The following BRWD3 variants were observed in gnomAD, a reference collection of about 807,000 sequenced individuals.
BRWD3 encodes the protein bromodomain and WD repeat domain containing 3.
Under a neutral mutation model 149.7 loss-of-function variants are expected in BRWD3, and 10 were observed. The observed-to-expected ratio is 0.07, with a 90% CI of 0.04 to 0.11. The LOEUF (loss-of-function observed/expected upper bound fraction) is 0.11. BRWD3 is among the 10% of genes least tolerant of loss of function. BRWD3 has a pLI of 1.00. For missense variants in BRWD3, 940 were observed against 1,373.2 expected (o/e 0.68, Z 4.99); for synonymous variants, 504 against 456.7 (o/e 1.10, Z -1.32).
intron 20 of BRWD3, among the ~76,000 whole-genome samples, chrX:80,712,023 C>A (rs751284717): frequency 8.9e-6 from 1 of 112,177 alleles, no homozygotes; most frequent in East Asian, 2.8e-4. Flanking sequence ...TTGACTCTTT[C>A]ATCAACAGCA....
chrX:80,741,721 T>A (rs977590512), intron 8 of BRWD3, among the ~76,000 whole-genome samples: 4 of 112,246 alleles, frequency 3.6e-5, no homozygotes, highest in Non-Finnish European at 7.5e-5. Context: ...TTGAGAAGTG[T>A]CTCTTCATAT....
Position 80,684,031 on chromosome X carries a change from A to G in BRWD3, c.4212T>C (p.Tyr1404=), listed in dbSNP as rs754406971. 1 of 1,208,583 alleles carries G rather than the reference A, an allele frequency of 8.3e-7. No homozygotes were observed. The highest frequency in any genetic ancestry group is 1.8e-5 in the South Asian group (1 of 56,885). Residue 1404 remains tyrosine (Y), a synonymous_variant, in exon 37 of 41, where the codon TAT becomes TAC. Coordinates refer to ENST00000373275, the MANE Select transcript of BRWD3 (RefSeq NM_153252.5). The part of the protein sequence containing the change: ...VRQIFNNSKA[Y]TSNKKSRIYS... ...ATACCCTTGACTTTTTATTAGAGGT[A>G]TAAGCTTTGGAGTTGTTGAATATTT...
At chrX:80,691,255 CAAG>C in intron 30 of BRWD3, 82 bp from the exon 31 acceptor site, 1 of 1,012,877 alleles carries the variant, frequency 9.9e-7, no homozygotes, top group Non-Finnish European at 1.4e-6. Context: ...CATATATAAA[CAAG>C]AAGGGAGGGT....
intron 22 of BRWD3, among the ~76,000 whole-genome samples, chrX:80,706,014 T>C (rs1438555805): frequency 8.9e-6 from 1 of 112,616 alleles, no homozygotes; most frequent in Non-Finnish European, 1.9e-5. Flanking sequence ...ATCAGCTTGC[T>C]GTAACATTTT....
intron 20 of BRWD3, chrX:80,710,112 T>C (rs2072938939): frequency 1.6e-6 from 1 of 617,301 alleles, no homozygotes; most frequent in African/African-American, 2.2e-5. Context: ...ATTCTCCATA[T>C]TGACAAACAT....
intron 6 of BRWD3, among the ~76,000 whole-genome samples, chrX:80,754,706 TA>T (rs2073715887): frequency 8.9e-6 from 1 of 112,277 alleles, no homozygotes; most frequent in Non-Finnish European, 1.9e-5. Flanking sequence ...TGAGGATTTT[TA>T]CCAAAAAGGA....
chrX:80,756,451 G>A (rs761229026), intron 6 of BRWD3, among the ~76,000 whole-genome samples: 27 of 86,666 alleles, frequency 3.1e-4, no homozygotes, highest in South Asian at 2.6e-3. Context: ...GCAGTGAGCC[G>A]AGATCGCACC....
intron 6 of BRWD3, among the ~76,000 whole-genome samples, chrX:80,777,150 C>T (rs749678821): frequency 9.1e-6 from 1 of 109,549 alleles, no homozygotes; most frequent in East Asian, 2.9e-4. Context: ...AAGACCCCCC[C>T]CCACGAAAAA....
In BRWD3 at chrX:80,809,252, G is replaced by A. The variant is rs1248608178; in HGVS notation, c.84C>T (p.Ser28=). ...ATCTCTTTCTTCCCCTTACCTGAGCGGATTTGTTGCAGGGTCCAGACTGCA... is the reference window on the plus strand; with the variant it reads ...ATCTCTTTCTTCCCCTTACCTGAGCAGATTTGTTGCAGGGTCCAGACTGCA... ...RFLQSGPCNK[S]AQVLVQELEE... is the part of the protein sequence containing the mutation. Residue 28 remains serine (S), a synonymous_variant, in exon 2 of 41, where the codon TCC becomes TCT. Coordinates refer to ENST00000373275, the MANE Select transcript of BRWD3 (RefSeq NM_153252.5). 2 of 1,199,151 alleles carry A rather than the reference G, an allele frequency of 1.7e-6. No homozygotes were observed. Among genetic ancestry groups the A allele is most frequent in the Admixed American group, 2.2e-5 (1 of 44,516 alleles).
intron 9 of BRWD3, among the ~76,000 whole-genome samples, chrX:80,735,437 T>G (rs768506871): frequency 9.0e-5 from 10 of 111,593 alleles, no homozygotes; most frequent in Middle Eastern, 4.7e-3. Flanking sequence ...ACTACTACCA[T>G]TATGAGAAAT....
At chrX:80,787,572 C>CA (rs751098940) in intron 6 of BRWD3, among the ~76,000 whole-genome samples, 2,534 of 48,361 alleles carry the variant, frequency 0.052, 102 homozygotes, top group African/African-American at 0.17. Context: ...CACCCATATG[C>CA]AAAAAAAAAA....
chrX:80,718,546 G>C (rs1257806175), intron 18 of BRWD3, among the ~76,000 whole-genome samples: 2 of 111,736 alleles, frequency 1.8e-5, no homozygotes, highest in African/African-American at 6.5e-5. Flanking sequence ...TAAAGGGCCT[G>C]GATAGATAGG....
chrX:80,793,497 A>G (rs1602444318), intron 5 of BRWD3, 125 bp downstream of exon 5: 2 of 780,901 alleles, frequency 2.6e-6, no homozygotes, highest in East Asian at 6.8e-5. Flanking sequence ...AGAAAACAAA[A>G]ACAACATTGG....
chrX:80,808,070 GC>G (rs1254529382), intron 4 of BRWD3, among the ~76,000 whole-genome samples: 41 of 12,972 alleles, frequency 3.2e-3, no homozygotes, highest in Non-Finnish European at 4.9e-3. Flanking sequence ...CTGCCCCCCC[GC>G]CCCCCCCAAA....
At chrX:80,705,095 G>A (rs1013386163) in intron 22 of BRWD3, among the ~76,000 whole-genome samples, 3 of 110,496 alleles carry the variant, frequency 2.7e-5, no homozygotes, top group South Asian at 7.8e-4. Flanking sequence ...GCAAAACCCC[G>A]TCTCTACTAA....
At chrX:80,733,671 GAAACAAAC>G in intron 11 of BRWD3, among the ~76,000 whole-genome samples, 175 bp from the exon 12 acceptor site, 1 of 109,182 alleles carries the variant, frequency 9.2e-6, no homozygotes, top group Non-Finnish European at 1.9e-5. Context: ...GCAGTAACAG[GAAACAAAC>G]CAGACATAGG....
chrX:80,765,658 A>G (rs1215784687), intron 6 of BRWD3, among the ~76,000 whole-genome samples: 1 of 111,672 alleles, frequency 9.0e-6, no homozygotes, highest in Non-Finnish European at 1.9e-5. Context: ...GCTTTCCTTT[A>G]TCATGTAAAA....
At chrX:80,733,529 G>A in intron 11 of BRWD3, 33 bp from the exon 12 acceptor site, 2 of 1,109,638 alleles carry the variant, frequency 1.8e-6, no homozygotes, top group Non-Finnish European at 1.2e-6. Flanking sequence ...CGTTAAAATG[G>A]ACTTATTTGT....
intron 6 of BRWD3, among the ~76,000 whole-genome samples, chrX:80,747,631 T>C (rs894750777): frequency 1.8e-5 from 2 of 112,174 alleles, no homozygotes; most frequent in East Asian, 2.8e-4. Flanking sequence ...CAATGTTTTA[T>C]AGTTTTCACT....
Sources: allele counts gnomAD v4.1 joint callset (sites outside exome capture counted in the v4.1 genomes callset), GRCh38; gene constraint gnomAD v4.1.1; transcripts MANE v1.5; gene names NCBI Gene and HGNC (gene_info 2026-07-23, HGNC 2026-07-21).